CCDC146: variants seen among roughly 807,000 people sequenced by gnomAD.
CCDC146 encodes coiled-coil domain-containing protein 146.
Under a neutral mutation model 119.3 loss-of-function variants are expected in CCDC146, and 92 were observed. That is an observed-to-expected ratio of 0.77 (90% CI 0.65 to 0.92). The LOEUF is 0.92. Among genes scored for constraint, CCDC146 ranks in the 40% least tolerant of loss-of-function variants. The pLI, the probability that CCDC146 is intolerant of heterozygous loss-of-function variation, is 0.00. For synonymous variants in CCDC146, 372 were observed against 371.8 expected (o/e 1.00, Z -0.01); for missense variants, 1,000 against 1,103.0 (o/e 0.91, Z 1.32).
intron 9 of CCDC146, 150 bp downstream of exon 9, chr7:77,262,457 T>A: frequency 1.6e-6 from 1 of 613,166 alleles, no homozygotes. Flanking sequence ...AAGCCTATTA[T>A]GAAATCTATA....
intron 1 of CCDC146, among the ~76,000 whole-genome samples, chr7:77,147,148 A>G (rs1199376102): frequency 6.6e-6 from 1 of 151,936 alleles, no homozygotes; most frequent in Non-Finnish European, 1.5e-5. Context: ...TTCTTACTTC[A>G]TTTCATTCAT....
chr7:77,190,430 T>C (rs772958841), intron 2 of CCDC146, among the ~76,000 whole-genome samples: 10 of 152,216 alleles, frequency 6.6e-5, no homozygotes. Flanking sequence ...TCTCTTTCCA[T>C]TAGACTTTAG....
At chr7:77,250,815 G>A (rs1000773873) in intron 4 of CCDC146, among the ~76,000 whole-genome samples, 4 of 137,668 alleles carry the variant, frequency 2.9e-5, no homozygotes, top group African/African-American at 1.0e-4. Context: ...GGATATTCTG[G>A]TATTTTCCTA....
chr7:77,292,127 C>T (rs1793955454), intron 17 of CCDC146, among the ~76,000 whole-genome samples: 1 of 151,814 alleles, frequency 6.6e-6, no homozygotes, highest in Admixed American at 6.6e-5. Context: ...AAGTCCCCAT[C>T]GCTACAAAAA....
chr7:77,221,894 G>A (rs1370711648), intron 2 of CCDC146, among the ~76,000 whole-genome samples: 1 of 152,112 alleles, frequency 6.6e-6, no homozygotes, highest in Non-Finnish European at 1.5e-5. Flanking sequence ...AAACATAAAA[G>A]GGCTCATACC....
At chr7:77,138,607 A>C (rs1319034707) in intron 1 of CCDC146, among the ~76,000 whole-genome samples, 1 of 152,244 alleles carries the variant, frequency 6.6e-6, no homozygotes, top group Non-Finnish European at 1.5e-5. Context: ...ACAGGCTGGG[A>C]GAAAATATTT....
chr7:77,241,049 CGGG>C (rs1792836873), intron 3 of CCDC146, among the ~76,000 whole-genome samples: 1 of 63,412 alleles, frequency 1.6e-5, no homozygotes, highest in Non-Finnish European at 3.9e-5. Context: ...GTCGCCCAGG[CGGG>C]AGTGCAGTGG....
intron 1 of CCDC146, among the ~76,000 whole-genome samples, chr7:77,164,490 A>G (rs1264772552): frequency 1.3e-5 from 2 of 152,238 alleles, no homozygotes; most frequent in South Asian, 4.1e-4. Flanking sequence ...GGCTATTAAC[A>G]TCACATAACA....
At chr7:77,131,532 A>G (rs1790785317) in intron 1 of CCDC146, among the ~76,000 whole-genome samples, 1 of 152,004 alleles carries the variant, frequency 6.6e-6, no homozygotes, top group South Asian at 2.1e-4. Flanking sequence ...AGCTTGGCCA[A>G]CGTGGCGAAA....
chr7:77,162,736 C>T (rs1171597671), intron 1 of CCDC146, among the ~76,000 whole-genome samples: 1 of 151,828 alleles, frequency 6.6e-6, no homozygotes, highest in Non-Finnish European at 1.5e-5. Context: ...GTATAGTAAA[C>T]CATTTTAACA....
intron 1 of CCDC146, among the ~76,000 whole-genome samples, chr7:77,148,273 G>A (rs1791054765): frequency 6.6e-6 from 1 of 152,122 alleles, no homozygotes; most frequent in African/African-American, 2.4e-5. Flanking sequence ...GCAGTATTAG[G>A]GTGGGAGTGA....
intron 1 of CCDC146, among the ~76,000 whole-genome samples, chr7:77,158,617 T>A (rs1791210937): frequency 6.6e-6 from 1 of 152,144 alleles, no homozygotes; most frequent in South Asian, 2.1e-4. Flanking sequence ...CCTTCCAGGT[T>A]CAAACGATTC....
intron 1 of CCDC146, among the ~76,000 whole-genome samples, chr7:77,162,137 G>A (rs2117470820): frequency 6.6e-6 from 1 of 152,312 alleles, no homozygotes; most frequent in Non-Finnish European, 1.5e-5. Flanking sequence ...TTGCTGTGCA[G>A]AAGTTTTTTA....
chr7:77,187,914 T>C (rs777997286), intron 2 of CCDC146, among the ~76,000 whole-genome samples: 1 of 152,174 alleles, frequency 6.6e-6, no homozygotes, highest in African/African-American at 2.4e-5. Context: ...CCTAACTTAA[T>C]AGCATAGACC....
chr7:77,149,773 A>T (rs1791081630), intron 1 of CCDC146, among the ~76,000 whole-genome samples: 1 of 142,042 alleles, frequency 7.0e-6, no homozygotes, highest in African/African-American at 2.9e-5. Context: ...TCAAAGAAAA[A>T]GAAAAAAAAA....
intron 1 of CCDC146, among the ~76,000 whole-genome samples, chr7:77,141,030 A>G (rs1413476442): frequency 6.6e-6 from 1 of 152,078 alleles, no homozygotes; most frequent in Non-Finnish European, 1.5e-5. Context: ...TCAACCTGTC[A>G]TCTACATTAG....
At chr7:77,267,354 T>C (rs547820278) in intron 9 of CCDC146, among the ~76,000 whole-genome samples, 9 of 152,222 alleles carry the variant, frequency 5.9e-5, no homozygotes, top group African/African-American at 2.2e-4. Flanking sequence ...CTGTAGTTGA[T>C]TGGTGATGTC....
intron 2 of CCDC146, among the ~76,000 whole-genome samples, chr7:77,207,633 A>C (rs911936617): frequency 2.0e-5 from 3 of 152,216 alleles, no homozygotes; most frequent in Non-Finnish European, 2.9e-5. Flanking sequence ...TAGAATGAAA[A>C]GAGCCTTAGG....
intron 9 of CCDC146, among the ~76,000 whole-genome samples, chr7:77,266,678 G>A (rs780797148): frequency 8.6e-5 from 13 of 151,660 alleles, no homozygotes; most frequent in Non-Finnish European, 1.9e-4. Flanking sequence ...CCCCGGAAAT[G>A]CCTCTCAGTA....
Sources: gnomAD v4.1 joint callset for allele counts (sites outside exome capture counted in the v4.1 genomes callset) on GRCh38, gnomAD v4.1.1 for gene constraint, MANE v1.5 for transcripts, NCBI Gene and HGNC (gene_info 2026-07-23, HGNC 2026-07-21) for gene names.